The following ZNF608 variants were observed in gnomAD, a reference collection of about 807,000 sequenced individuals.
The protein encoded by ZNF608 is renal carcinoma antigen NY-REN-36.
A neutral mutation model predicts 109.0 loss-of-function variants in ZNF608; 12 were observed. The observed-to-expected ratio is 0.11, with a 90% CI of 0.07 to 0.18. ZNF608 has a LOEUF of 0.18. Among genes scored for constraint, ZNF608 ranks in the 10% least tolerant of loss-of-function variants. The pLI, the probability that ZNF608 is intolerant of heterozygous loss-of-function variation, is 1.00. For missense variants in ZNF608, 1,707 were observed against 1,879.3 expected (o/e 0.91, Z 1.70); for synonymous variants, 732 against 717.4 (o/e 1.02, Z -0.33).
Position 124,648,920 on chromosome 5 carries a change from C to T in ZNF608, c.1464G>A (p.Glu488=), listed in dbSNP as rs750542012. 6 of 1,613,982 alleles carry T rather than the reference C, an allele frequency of 3.7e-6. No homozygotes were observed. In the Admixed American group the frequency reaches 8.3e-5, roughly 22 times the overall value. The change falls in exon 5 of 10, where the codon GAG becomes GAA. Residue 488 remains glutamate (E), a synonymous_variant. Transcript: ENST00000513986. ...GRRTPPNCAA[E]DIKASPSSTN... ...TGGAGGAAGGGCTGGCTTTGATATC[C>T]TCAGCAGCACAATTTGGGGGTGTCC...
chr5:124,690,674 C>A (rs1752580147), intron 3 of ZNF608, among the ~76,000 whole-genome samples: 1 of 150,236 alleles, frequency 6.7e-6, no homozygotes. Flanking sequence ...ATGGTGAGAC[C>A]CCATCTCTAC....
chr5:124,726,097 ACTT>A (rs1427750441), intron 2 of ZNF608, among the ~76,000 whole-genome samples: 3 of 152,068 alleles, frequency 2.0e-5, no homozygotes, highest in African/African-American at 7.2e-5. Context: ...TTTTAACCTG[ACTT>A]CTTGGCAGCA....
chr5:124,687,585 CCTT>C (rs1580624305), intron 3 of ZNF608, among the ~76,000 whole-genome samples: 1 of 152,110 alleles, frequency 6.6e-6, no homozygotes. Flanking sequence ...ACTTTTTTAA[CCTT>C]CTTAGGTCTC....
intron 3 of ZNF608, among the ~76,000 whole-genome samples, chr5:124,668,122 C>T (rs1424186683): frequency 1.3e-5 from 2 of 150,890 alleles, no homozygotes; most frequent in Non-Finnish European, 2.9e-5. Context: ...GAGGCCGAGG[C>T]AGGAGGATTC....
intron 2 of ZNF608, among the ~76,000 whole-genome samples, chr5:124,706,283 T>C (rs907563190): frequency 6.6e-6 from 1 of 152,196 alleles, no homozygotes; most frequent in African/African-American, 2.4e-5. Context: ...ATCTGGCTCA[T>C]GTGACTACTA....
chr5:124,724,642 C>A lies in ZNF608; in HGVS notation c.906+19442G>T, dbSNP rs1392161057. ...TGTGTGTGTGTGTGTGTGTACACAA[C>A]CAGAGACACCTGGAATACGTTCTCT... is the stretch of plus-strand genomic sequence containing the variant. On this transcript the variant is annotated intron_variant, in intron 2 of 9. Coordinates refer to ENST00000513986, the MANE Select transcript of ZNF608 (RefSeq NM_020747.3). 2.0e-5 allele frequency among the ~76,000 whole-genome samples: 3 copies of A among 151,176 alleles called. No individual in the cohort carries two copies. In the East Asian group the frequency reaches 5.8e-4, roughly 29 times the overall value.
chr5:124,655,783 A>G (rs1320111595), intron 3 of ZNF608, among the ~76,000 whole-genome samples: 1 of 152,216 alleles, frequency 6.6e-6, no homozygotes, highest in Non-Finnish European at 1.5e-5. Context: ...GTGGTATTCA[A>G]TACTGGTACT....
At chr5:124,657,356 A>T (rs1033100302) in intron 3 of ZNF608, among the ~76,000 whole-genome samples, 2 of 152,182 alleles carry the variant, frequency 1.3e-5, no homozygotes, top group African/African-American at 4.8e-5. Flanking sequence ...GAAAAGAAAT[A>T]CTAAATCAAA....
chr5:124,668,073 C>T (rs1235499884), intron 3 of ZNF608, among the ~76,000 whole-genome samples: 1 of 151,634 alleles, frequency 6.6e-6, no homozygotes, highest in African/African-American at 2.4e-5. Context: ...CAACAAAGGC[C>T]AGGCATGGTG....
At chr5:124,646,223 T>C (rs1256295601) in intron 5 of ZNF608, among the ~76,000 whole-genome samples, 1 of 152,064 alleles carries the variant, frequency 6.6e-6, no homozygotes, top group Non-Finnish European at 1.5e-5. Flanking sequence ...TAGCCGGGCA[T>C]GGTGGCACGT....
At chr5:124,730,624 CTT>C (rs1748851480) in intron 2 of ZNF608, among the ~76,000 whole-genome samples, 1 of 152,126 alleles carries the variant, frequency 6.6e-6, no homozygotes, top group Admixed American at 6.5e-5. Flanking sequence ...GAGTATTAGA[CTT>C]TGGTGTAAAC....
intron 3 of ZNF608, among the ~76,000 whole-genome samples, chr5:124,689,579 G>A (rs1197310320): frequency 6.6e-6 from 1 of 151,900 alleles, no homozygotes; most frequent in African/African-American, 2.4e-5. Context: ...AAGAAAAATG[G>A]GCCAAAAACC....
chr5:124,649,042 C>T lies in ZNF608; in HGVS notation c.1342G>A (p.Glu448Lys), dbSNP rs1206042465. The change falls in exon 5 of 10, where the codon GAG becomes AAG. Residue 448 changes from glutamate (E) to lysine (K), a missense_variant. Glu to Lys is a moderately conservative substitution (Grantham distance 56). This residue lies in a region of ZNF608 where 166 missense variants were observed against 204.2 expected (regional missense o/e 0.81). Transcript: ENST00000513986. ...CCTCTGGACTCTGTGAAGCTGGCCTCGGAGCCCGGGGCAGCAGCAGCAGAC... is the reference window on the plus strand; with the variant it reads ...CCTCTGGACTCTGTGAAGCTGGCCTTGGAGCCCGGGGCAGCAGCAGCAGAC... The part of the protein sequence containing the change: ...ARSAAAAPGS[E>K]ASFTESRGLQ... 2 of 1,614,114 alleles carry T rather than the reference C, an allele frequency of 1.2e-6. No individual in the cohort carries two copies. Among genetic ancestry groups the T allele is most frequent in the Admixed American group, 1.7e-5 (1 of 60,018 alleles).
chr5:124,641,546 G>A, intron 7 of ZNF608, 141 bp from the exon 8 acceptor site: 1 of 998,844 alleles, frequency 1.0e-6, no homozygotes, highest in African/African-American at 1.7e-5. Context: ...AGTAACTAAA[G>A]AGAATTTCAA....
At chr5:124,685,310 T>C (rs1217542146) in intron 3 of ZNF608, among the ~76,000 whole-genome samples, 2 of 151,708 alleles carry the variant, frequency 1.3e-5, no homozygotes, top group Non-Finnish European at 2.9e-5. Context: ...TTGCTTTTCA[T>C]TAATGATCGG....
At chr5:124,707,705 C>T (rs1210474003) in intron 2 of ZNF608, 1 of 152,202 alleles carries the variant, frequency 6.6e-6, no homozygotes, top group Non-Finnish European at 1.5e-5. Flanking sequence ...CTGCTGCAGT[C>T]TCTTACTTTG....
At chr5:124,688,522 T>A (rs1292323016) in intron 3 of ZNF608, among the ~76,000 whole-genome samples, 1 of 152,192 alleles carries the variant, frequency 6.6e-6, no homozygotes, top group African/African-American at 2.4e-5. Context: ...GGCAGTCTCA[T>A]CCAGGAAATA....
chr5:124,669,799 C>A (rs1017229512), intron 3 of ZNF608, among the ~76,000 whole-genome samples: 13 of 152,138 alleles, frequency 8.5e-5, no homozygotes, highest in Non-Finnish European at 1.5e-4. Context: ...AGATACTAAT[C>A]CCTAGCTCTC....
chr5:124,728,914 A>C (rs1204894526), intron 2 of ZNF608, among the ~76,000 whole-genome samples: 1 of 152,178 alleles, frequency 6.6e-6, no homozygotes, highest in African/African-American at 2.4e-5. Flanking sequence ...TTCTCTTCTT[A>C]TAATTCCAAG....
Sources: gnomAD v4.1 joint callset for allele counts (sites outside exome capture counted in the v4.1 genomes callset) on GRCh38, gnomAD v4.1.1 for gene constraint, gnomAD v4.1.1 regional missense constraint, MANE v1.5 for transcripts, NCBI Gene and HGNC (gene_info 2026-07-23, HGNC 2026-07-21) for gene names.